The following LRRC7 variants were observed in gnomAD, a reference collection of about 807,000 sequenced individuals.
The protein encoded by LRRC7 is leucine rich repeat containing 7.
A neutral mutation model predicts 175.7 loss-of-function variants in LRRC7; 23 were observed. The ratio of observed to expected loss-of-function variants is 0.13; its 90% confidence interval spans 0.09 to 0.19. The LOEUF is 0.19. Among genes scored for constraint, LRRC7 ranks in the 10% least tolerant of loss-of-function variants. LRRC7 has a pLI of 1.00. For missense variants in LRRC7, 1,354 were observed against 1,904.7 expected (o/e 0.71, Z 5.38); for synonymous variants, 685 against 680.9 (o/e 1.01, Z -0.09).
intron 4 of LRRC7, among the ~76,000 whole-genome samples, chr1:69,804,781 A>G (rs1676923632): frequency 1.3e-5 from 2 of 151,724 alleles, no homozygotes; most frequent in African/African-American, 4.8e-5. Context: ...TCAGAGATGA[A>G]TACATTTCAT....
At chr1:69,852,355 C>T (rs983724249) in intron 7 of LRRC7, among the ~76,000 whole-genome samples, 1 of 152,118 alleles carries the variant, frequency 6.6e-6, no homozygotes, top group Middle Eastern at 3.2e-3. Flanking sequence ...TGCCTAGACT[C>T]ATGCCAAGCA....
At chr1:69,737,437 G>A (rs72675036) in intron 2 of LRRC7, among the ~76,000 whole-genome samples, 11,177 of 152,102 alleles carry the variant, frequency 0.073, 543 homozygotes, top group Middle Eastern at 0.14. Context: ...GTAGATGTGC[G>A]AGTCCATTAA....
intron 25 of LRRC7, among the ~76,000 whole-genome samples, chr1:70,095,884 T>G (rs1430124745): frequency 1.3e-5 from 2 of 152,166 alleles, no homozygotes; most frequent in African/African-American, 4.8e-5. Context: ...GAATAACCAA[T>G]AAATCCAGAG....
intron 8 of LRRC7, among the ~76,000 whole-genome samples, chr1:69,972,877 A>G (rs1037718222): frequency 1.3e-5 from 2 of 149,938 alleles, no homozygotes; most frequent in African/African-American, 4.9e-5. Context: ...CCGAGTGCCC[A>G]TCAATGAGTG....
chr1:69,909,762 TCTC>T (rs1646461308), intron 7 of LRRC7, among the ~76,000 whole-genome samples: 1 of 152,110 alleles, frequency 6.6e-6, no homozygotes, highest in African/African-American at 2.4e-5. Context: ...GAGTTGCTCT[TCTC>T]GGGGAGTATC....
At chr1:69,906,627 T>A (rs1024626949) in intron 7 of LRRC7, among the ~76,000 whole-genome samples, 1 of 152,164 alleles carries the variant, frequency 6.6e-6, no homozygotes, top group African/African-American at 2.4e-5. Flanking sequence ...ATATCTCTGT[T>A]TTGGTACCAG....
chr1:69,825,135 G>C (rs1557777183), intron 4 of LRRC7, among the ~76,000 whole-genome samples: 1 of 152,156 alleles, frequency 6.6e-6, no homozygotes, highest in Admixed American at 6.5e-5. Context: ...CTACCTCAGA[G>C]ACTCCAGGGA....
chr1:70,021,390 G>A (rs1232447276), intron 16 of LRRC7: 4 of 255,132 alleles, frequency 1.6e-5, no homozygotes, highest in South Asian at 5.9e-5. Context: ...CTGAGGGAAA[G>A]TAGAAAAAAA....
At chr1:70,081,335 C>T (rs1358040227) in intron 24 of LRRC7, among the ~76,000 whole-genome samples, 1 of 152,126 alleles carries the variant, frequency 6.6e-6, no homozygotes, top group Non-Finnish European at 1.5e-5. Flanking sequence ...ATACAAGACA[C>T]AGTATATTTA....
At chr1:70,057,158 G>A (rs997093768) in intron 23 of LRRC7, among the ~76,000 whole-genome samples, 1 of 152,140 alleles carries the variant, frequency 6.6e-6, no homozygotes, top group African/African-American at 2.4e-5. Context: ...CCTAAAATCC[G>A]AGATTTCTGA....
chr1:69,987,334 CT>C (rs1346664476), intron 10 of LRRC7, among the ~76,000 whole-genome samples: 1 of 152,162 alleles, frequency 6.6e-6, no homozygotes, highest in Non-Finnish European at 1.5e-5. Flanking sequence ...AGGTATCTTG[CT>C]GTTAGTATTT....
intron 7 of LRRC7, among the ~76,000 whole-genome samples, chr1:69,915,239 G>T (rs1016099119): frequency 6.6e-6 from 1 of 152,170 alleles, no homozygotes; most frequent in Non-Finnish European, 1.5e-5. Flanking sequence ...TGCAAGGAGA[G>T]CCTGAAGTGA....
intron 1 of LRRC7, among the ~76,000 whole-genome samples, chr1:69,619,803 T>C (rs1650267001): frequency 6.6e-6 from 1 of 152,184 alleles, no homozygotes. Flanking sequence ...TACTGTATAA[T>C]GAAATGTGTC....
chr1:70,078,828 A>ACG lies in LRRC7; in HGVS notation c.4452+2531_4452+2532insGC, dbSNP rs1553200929. Among the ~76,000 whole-genome samples, 244 of 137,220 alleles carry ACG rather than the reference A, an allele frequency of 1.8e-3. 1 individual carries two copies. The highest frequency in any genetic ancestry group is 5.2e-3 in the Admixed American group (73 of 14,130). 90.0% of individuals were successfully genotyped at this position (137,220 alleles called of 152,430 possible). ...CGCGCGCGCACACACACACACGCAC[A>ACG]CACACACACACACACACACACACAC... On this transcript the variant is annotated intron_variant, in intron 24 of 26. Coordinates refer to ENST00000651989, the MANE Select transcript of LRRC7 (RefSeq NM_001370785.2).
rs201073365 is a variant in LRRC7 at position 69,903,766 on chromosome 1, TAAAGAA to T, written c.648-27740_648-27735del. On this transcript the variant is annotated intron_variant, in intron 7 of 26. Transcript: ENST00000651989. Reference sequence around the variant, plus strand: ...CAAAATAGATCACTAGCCAGACTAATAAAGAAGAAAAGAGAGAAGAATCAAATAGAA... The same window carrying T: ...CAAAATAGATCACTAGCCAGACTAATGAAAAGAGAGAAGAATCAAATAGAA... Among the ~76,000 whole-genome samples, 9 of 151,514 alleles carry T rather than the reference TAAAGAA, an allele frequency of 5.9e-5. No individual in the cohort carries two copies. In the East Asian group the frequency reaches 1.8e-3, roughly 29 times the overall value.
At chr1:70,055,811 G>A (rs1473107234) in intron 23 of LRRC7, among the ~76,000 whole-genome samples, 4 of 152,046 alleles carry the variant, frequency 2.6e-5, no homozygotes, top group Non-Finnish European at 2.9e-5. Context: ...TCAACACTTG[G>A]GGATTACAAT....
chr1:70,079,045 T>G (rs1240771532), intron 24 of LRRC7, among the ~76,000 whole-genome samples: 1 of 152,192 alleles, frequency 6.6e-6, no homozygotes, highest in Non-Finnish European at 1.5e-5. Flanking sequence ...TGAAACTATT[T>G]CATGTGTGTT....
chr1:69,628,195 T>G (rs1449334539), intron 1 of LRRC7, among the ~76,000 whole-genome samples: 2 of 152,090 alleles, frequency 1.3e-5, no homozygotes, highest in African/African-American at 2.4e-5. Flanking sequence ...GAACGAAAAT[T>G]GTCTTTGTTT....
intron 1 of LRRC7, among the ~76,000 whole-genome samples, chr1:69,605,416 CCCTGATTGA>C (rs1303169620): frequency 6.6e-6 from 1 of 152,108 alleles, no homozygotes; most frequent in Non-Finnish European, 1.5e-5. Flanking sequence ...AGGATGATTG[CCCTGATTGA>C]CCTGGATGAT....
Sources: gnomAD v4.1 joint callset for allele counts (sites outside exome capture counted in the v4.1 genomes callset) on GRCh38, gnomAD v4.1.1 for gene constraint, MANE v1.5 for transcripts, NCBI Gene and HGNC (gene_info 2026-07-23, HGNC 2026-07-21) for gene names.